PLEKHA5: variants seen among roughly 807,000 people sequenced by gnomAD.
PLEKHA5 encodes pleckstrin homology domain-containing family A member 5.
A neutral mutation model predicts 181.9 loss-of-function variants in PLEKHA5; 55 were observed. The ratio of observed to expected loss-of-function variants is 0.30; its 90% confidence interval spans 0.24 to 0.38. The LOEUF (loss-of-function observed/expected upper bound fraction) is 0.38, where lower values mean the gene tolerates loss of function less well. Among genes scored for constraint, PLEKHA5 ranks in the 10% least tolerant of loss-of-function variants. The pLI is 1.00. For synonymous variants in PLEKHA5, 535 were observed against 529.4 expected (o/e 1.01, Z -0.15); for missense variants, 1,432 against 1,549.5 (o/e 0.92, Z 1.27).
chr12:19,350,501 T>C lies in PLEKHA5; in HGVS notation c.3019+1982T>C, dbSNP rs567540277. 3.7e-3 allele frequency among the ~76,000 whole-genome samples: 556 copies of C among 152,314 alleles called. 2 individuals are homozygous for C. Among genetic ancestry groups the C allele is most frequent in the Admixed American group, 6.1e-3 (94 of 15,286 alleles). On this transcript the variant is annotated intron_variant, in intron 25 of 31. Coordinates refer to ENST00000429027, the MANE Select transcript of PLEKHA5 (RefSeq NM_001256470.2). ...TCAAAGTGAGGCCAGGCTTGGTGGC[T>C]CACGCCTATCTATAATCCCAGCATT...
Position 19,185,357 on chromosome 12 carries a change from A to G in PLEKHA5, c.227+52907A>G, listed in dbSNP as rs542498613. ...GCACATTATGTAAGCTGGACCAGTA[A>G]TACTAGATCCTGGGACTTTCCTTAA... On this transcript the variant is annotated intron_variant, in intron 3 of 31. Transcript: ENST00000429027. 1.8e-4 allele frequency among the ~76,000 whole-genome samples: 27 copies of G among 152,274 alleles called. No individual in the cohort carries two copies. The South Asian group carries it at 3.5e-3, about 20-fold the overall frequency.
At chr12:19,135,758 A>G (rs1213731339) in intron 3 of PLEKHA5, among the ~76,000 whole-genome samples, 3 of 152,126 alleles carry the variant, frequency 2.0e-5, no homozygotes, top group African/African-American at 7.2e-5. Context: ...TATTTTATAC[A>G]CTTTGAAATT....
intron 16 of PLEKHA5, among the ~76,000 whole-genome samples, chr12:19,318,261 A>T (rs897880879): frequency 6.6e-6 from 1 of 152,092 alleles, no homozygotes; most frequent in African/African-American, 2.4e-5. Context: ...AGATTTCAAG[A>T]AAAATTTCGG....
intron 3 of PLEKHA5, chr12:19,154,173 A>T (rs1451142280): frequency 1.3e-5 from 2 of 152,110 alleles, no homozygotes; most frequent in African/African-American, 4.8e-5. Context: ...TCTGATTTTG[A>T]TATATAAACT....
At chr12:19,132,236 A>G (rs2034129995) in intron 2 of PLEKHA5, among the ~76,000 whole-genome samples, 157 bp from the exon 3 acceptor site, 1 of 152,092 alleles carries the variant, frequency 6.6e-6, no homozygotes, top group Non-Finnish European at 1.5e-5. Flanking sequence ...CTGTTTTTCA[A>G]AAAATGATAT....
At chr12:19,345,239 A>C (rs532078318) in intron 22 of PLEKHA5, among the ~76,000 whole-genome samples, 1 of 151,846 alleles carries the variant, frequency 6.6e-6, no homozygotes, top group South Asian at 2.1e-4. Context: ...ATCTCTACTA[A>C]AAATACAAAA....
chr12:19,257,446 C>T lies in PLEKHA5; in HGVS notation c.446C>T (p.Ser149Leu). The stretch of plus-strand genomic sequence containing the variant: ...TTTTCTATTTAGACTTCACGAGCTT[C>T]AAAAAAAGTTCATAATTTTGGAAAG... ...MSPVGRTSRA[S>L]KKVHNFGKRS... Residue 149 changes from serine (S) to leucine (L), a missense_variant, in exon 6 of 32, where the codon TCA (serine) becomes TTA (leucine). Coordinates refer to ENST00000429027, the MANE Select transcript of PLEKHA5 (RefSeq NM_001256470.2). 6.3e-7 allele frequency: 1 copy of T among 1,579,706 alleles called. No homozygotes were observed. Among genetic ancestry groups the T allele is most frequent in the Non-Finnish European group, 8.7e-7 (1 of 1,152,484 alleles).
chr12:19,306,503 T>G (rs541836397), intron 15 of PLEKHA5: 3 of 715,180 alleles, frequency 4.2e-6, no homozygotes, highest in Admixed American at 1.8e-5. Context: ...TGCTGTGTGT[T>G]TGATGTGTTG....
chr12:19,220,115 C>T (rs1015872937), intron 3 of PLEKHA5, among the ~76,000 whole-genome samples: 2 of 146,832 alleles, frequency 1.4e-5, no homozygotes, highest in Non-Finnish European at 3.0e-5. Context: ...TGCTCCCATC[C>T]CCACCCCACC....
At chr12:19,289,940 AT>A (rs1013001450) in intron 13 of PLEKHA5, among the ~76,000 whole-genome samples, 1 of 151,412 alleles carries the variant, frequency 6.6e-6, no homozygotes, top group Non-Finnish European at 1.5e-5. Flanking sequence ...ATTTTTATTT[AT>A]TTTTTTATTT....
chr12:19,195,093 G>A (rs1486013610), intron 3 of PLEKHA5, among the ~76,000 whole-genome samples: 2 of 152,048 alleles, frequency 1.3e-5, no homozygotes, highest in Non-Finnish European at 2.9e-5. Context: ...TCTTACCGTA[G>A]TAAGACTATT....
At chr12:19,290,234 A>G (rs2078117549) in intron 13 of PLEKHA5, among the ~76,000 whole-genome samples, 1 of 152,176 alleles carries the variant, frequency 6.6e-6, no homozygotes, top group African/African-American at 2.4e-5. Context: ...CCCGGACTAC[A>G]TTTATTTTAA....
At chr12:19,345,122 G>T (rs137878911) in intron 22 of PLEKHA5, among the ~76,000 whole-genome samples, 1 of 147,790 alleles carries the variant, frequency 6.8e-6, no homozygotes, top group Non-Finnish European at 1.5e-5. Context: ...AAAATAAGCC[G>T]GGCGCAGTGG....
At chr12:19,141,200 A>G (rs2037177979) in intron 3 of PLEKHA5, among the ~76,000 whole-genome samples, 1 of 152,168 alleles carries the variant, frequency 6.6e-6, no homozygotes, top group Non-Finnish European at 1.5e-5. Context: ...CTCTTTAACC[A>G]GAAAAAATGG....
chr12:19,234,009 A>G (rs2061017580), intron 3 of PLEKHA5, among the ~76,000 whole-genome samples: 1 of 152,242 alleles, frequency 6.6e-6, no homozygotes, highest in African/African-American at 2.4e-5. Flanking sequence ...CATCAGTGAC[A>G]TTTGGGGAAA....
intron 30 of PLEKHA5, among the ~76,000 whole-genome samples, chr12:19,367,073 G>A (rs772075619): frequency 3.3e-5 from 5 of 151,852 alleles, no homozygotes; most frequent in Non-Finnish European, 5.9e-5. Context: ...TTGTAGTACA[G>A]ATGGGGGTTA....
At chr12:19,354,286 G>A (rs1285765097) in intron 26 of PLEKHA5, among the ~76,000 whole-genome samples, 1 of 147,038 alleles carries the variant, frequency 6.8e-6, no homozygotes, top group Non-Finnish European at 1.5e-5. Flanking sequence ...GGAGTAGCTG[G>A]GACTACAGGC....
At chr12:19,268,865 A>C (rs1258982985) in intron 8 of PLEKHA5, among the ~76,000 whole-genome samples, 1 of 152,142 alleles carries the variant, frequency 6.6e-6, no homozygotes, top group African/African-American at 2.4e-5. Flanking sequence ...AGAACATTTG[A>C]GTAGTTTATT....
At chr12:19,366,639 C>T (rs2095431254) in intron 30 of PLEKHA5, among the ~76,000 whole-genome samples, 1 of 151,974 alleles carries the variant, frequency 6.6e-6, no homozygotes, top group Non-Finnish European at 1.5e-5. Context: ...GGTGACAGAG[C>T]GAGACTCCTT....
Sources: allele counts gnomAD v4.1 joint callset (sites outside exome capture counted in the v4.1 genomes callset), GRCh38; gene constraint gnomAD v4.1.1; transcripts MANE v1.5; gene names NCBI Gene and HGNC (gene_info 2026-07-23, HGNC 2026-07-21).